Variants in GMDS observed in about 807,000 individuals in gnomAD.
GMDS encodes the protein GDP-mannose 4,6 dehydratase.
A neutral mutation model predicts 49.9 loss-of-function variants in GMDS; 20 were observed. The ratio of observed to expected loss-of-function variants is 0.40; its 90% confidence interval spans 0.28 to 0.58. The LOEUF is 0.58. Among genes scored for constraint, GMDS ranks in the 20% least tolerant of loss-of-function variants. The pLI, the probability that GMDS is intolerant of heterozygous loss-of-function variation, is 0.42. For synonymous variants in GMDS, 177 were observed against 178.6 expected (o/e 0.99, Z 0.07); for missense variants, 362 against 481.4 (o/e 0.75, Z 2.32).
chr6:1,994,457 A>C (rs1229769405), intron 4 of GMDS, among the ~76,000 whole-genome samples: 1 of 152,180 alleles, frequency 6.6e-6, no homozygotes, highest in Non-Finnish European at 1.5e-5. Context: ...TCAAGAAGGC[A>C]GGCCATAAAT....
intron 4 of GMDS, among the ~76,000 whole-genome samples, chr6:2,033,409 G>A (rs778662096): frequency 6.6e-6 from 1 of 152,002 alleles, no homozygotes; most frequent in Admixed American, 6.6e-5. Context: ...TTTGACCAAG[G>A]GCCTAAGGAA....
intron 9 of GMDS, among the ~76,000 whole-genome samples, chr6:1,638,891 CTT>C (rs1265738055): frequency 6.6e-6 from 1 of 152,172 alleles, no homozygotes; most frequent in Admixed American, 6.5e-5. Context: ...TACATAAAGA[CTT>C]TATCTACAAC....
chr6:1,900,456 G>A (rs1032265188), intron 7 of GMDS, among the ~76,000 whole-genome samples: 12 of 152,106 alleles, frequency 7.9e-5, no homozygotes, highest in Non-Finnish European at 1.3e-4. Flanking sequence ...CCTTTATTAC[G>A]ATTAAAAATG....
intron 4 of GMDS, among the ~76,000 whole-genome samples, chr6:2,069,071 A>G (rs1771810843): frequency 6.6e-6 from 1 of 152,236 alleles, no homozygotes. Flanking sequence ...AAACAGAGAT[A>G]TAGATCAATG....
At chr6:1,873,149 C>T (rs1307046174) in intron 7 of GMDS, among the ~76,000 whole-genome samples, 3 of 152,218 alleles carry the variant, frequency 2.0e-5, no homozygotes, top group Non-Finnish European at 2.9e-5. Context: ...ATAATAAAAA[C>T]TTATCTCCCT....
At chr6:2,045,736 C>A (rs942063211) in intron 4 of GMDS, among the ~76,000 whole-genome samples, 11 of 151,440 alleles carry the variant, frequency 7.3e-5, no homozygotes, top group African/African-American at 2.7e-4. Flanking sequence ...AGTTCTTAAA[C>A]TAGCACTGAA....
chr6:1,624,032 GC>G lies in GMDS; in HGVS notation c.*136del, dbSNP rs1762767833. 1.4e-6 allele frequency: 1 copy of G among 727,670 alleles called. No homozygotes were observed. The highest frequency in any genetic ancestry group is 2.3e-6 in the Non-Finnish European group (1 of 444,364). The allele number at this position is 727,670 out of a possible 1,614,324, so 45.1% of individuals were successfully genotyped here. A position where few individuals can be genotyped will look rare whatever the true frequency, so the allele number is the denominator to read the frequency against. On this transcript the variant is annotated 3_prime_UTR_variant, in exon 11 of 11. Transcript: ENST00000380815. ...TCGGCGGGGCGGCCCCGCTCTTGCG[GC>G]CGGGACAGCGCAGCGGCAGCAGGGG...
intron 9 of GMDS, among the ~76,000 whole-genome samples, chr6:1,627,026 T>C (rs1470981403): frequency 6.6e-6 from 1 of 152,244 alleles, no homozygotes; most frequent in East Asian, 1.9e-4. Flanking sequence ...TCTGTCTCCC[T>C]GAAATTTAAT....
intron 9 of GMDS, among the ~76,000 whole-genome samples, chr6:1,642,919 T>C (rs555965875): frequency 6.6e-6 from 1 of 152,282 alleles, no homozygotes; most frequent in Non-Finnish European, 1.5e-5. Context: ...CTGAGTTTTT[T>C]CCCCTATTTT....
At chr6:1,689,527 T>C (rs547187119) in intron 9 of GMDS, among the ~76,000 whole-genome samples, 1 of 152,308 alleles carries the variant, frequency 6.6e-6, no homozygotes, top group African/African-American at 2.4e-5. Flanking sequence ...TCAGATACAT[T>C]TGTATCTTCT....
chr6:2,170,096 G>A lies in GMDS; in HGVS notation c.103-45365C>T, dbSNP rs552415571. 5.5e-3 allele frequency among the ~76,000 whole-genome samples: 836 copies of A among 152,088 alleles called. 1 individual carries two copies. The highest frequency in any genetic ancestry group is 0.017 in the Middle Eastern group (5 of 294). Reference sequence around the variant, plus strand: ...CAGATGCCTGTAATCCCAGCTACTCGGGAGCCTGAGGCAGGAGAATCGCTT... The same window carrying A: ...CAGATGCCTGTAATCCCAGCTACTCAGGAGCCTGAGGCAGGAGAATCGCTT... On this transcript the variant is annotated intron_variant, in intron 1 of 10. Transcript: ENST00000380815.
chr6:1,780,730 G>A (rs564160443), intron 7 of GMDS, among the ~76,000 whole-genome samples: 15 of 152,328 alleles, frequency 9.8e-5, no homozygotes, highest in African/African-American at 3.1e-4. Context: ...AGGCTGCAGG[G>A]CTCGCTCACG....
intron 4 of GMDS, among the ~76,000 whole-genome samples, chr6:2,011,545 A>G (rs1767558948): frequency 1.3e-5 from 2 of 152,236 alleles, no homozygotes; most frequent in Admixed American, 1.3e-4. Flanking sequence ...TGGAAACAAC[A>G]TACATGTCCA....
At chr6:2,141,104 G>C (rs889017904) in intron 1 of GMDS, among the ~76,000 whole-genome samples, 3 of 152,172 alleles carry the variant, frequency 2.0e-5, no homozygotes, top group African/African-American at 7.2e-5. Context: ...TAAACGAAAG[G>C]CTAAAATATA....
At chr6:2,227,243 C>T (rs1009284744) in intron 1 of GMDS, among the ~76,000 whole-genome samples, 40 of 152,086 alleles carry the variant, frequency 2.6e-4, no homozygotes, top group African/African-American at 8.2e-4. Context: ...GTCACTACTA[C>T]GGTCCCCATA....
At chr6:1,745,213 A>G (rs984359303) in intron 7 of GMDS, among the ~76,000 whole-genome samples, 3 of 152,240 alleles carry the variant, frequency 2.0e-5, no homozygotes, top group African/African-American at 7.2e-5. Flanking sequence ...TTACTTCTTT[A>G]GAAACAGTCC....
At chr6:1,649,743 T>C (rs1487911384) in intron 9 of GMDS, among the ~76,000 whole-genome samples, 1 of 152,236 alleles carries the variant, frequency 6.6e-6, no homozygotes, top group African/African-American at 2.4e-5. Context: ...GTCTCTTCTT[T>C]AGTTTTAAAG....
chr6:1,879,372 G>C (rs895274689), intron 7 of GMDS, among the ~76,000 whole-genome samples: 1 of 152,164 alleles, frequency 6.6e-6, no homozygotes, highest in East Asian at 1.9e-4. Context: ...CCCTCGCATA[G>C]GGTGAATATT....
Position 1,772,728 on chromosome 6 carries a change from G to A in GMDS, c.772-30142C>T, listed in dbSNP as rs766326316. Among the ~76,000 whole-genome samples, 99 of 152,162 alleles carry A rather than the reference G, an allele frequency of 6.5e-4. 1 individual carries two copies. The highest frequency in any genetic ancestry group is 1.9e-4 in the Non-Finnish European group (13 of 68,026). On this transcript the variant is annotated intron_variant, in intron 7 of 10. Coordinates refer to ENST00000380815, the MANE Select transcript of GMDS (RefSeq NM_001500.4). ...CTGGCTGAAAAACTGGTCAGGGTTC[G>A]TGATGACACCAAACGTAAAAAACAA...
Sources: allele counts gnomAD v4.1 joint callset (sites outside exome capture counted in the v4.1 genomes callset), GRCh38; gene constraint gnomAD v4.1.1; transcripts MANE v1.5; gene names NCBI Gene and HGNC (gene_info 2026-07-23, HGNC 2026-07-21).